Variants in SETBP1 observed in about 807,000 individuals in gnomAD.
SETBP1 encodes SET-binding protein.
Under a neutral mutation model 101.0 loss-of-function variants are expected in SETBP1, and 9 were observed. The observed-to-expected ratio is 0.09, with a 90% confidence interval of 0.05 to 0.16. The LOEUF is 0.16. Ranked by LOEUF, SETBP1 falls within the 10% of genes least tolerant of loss-of-function variation. The pLI, the probability that SETBP1 is intolerant of heterozygous loss-of-function variation, is 1.00. For synonymous variants in SETBP1, 818 were observed against 788.5 expected (o/e 1.04, Z -0.63); for missense variants, 1,858 against 2,033.8 (o/e 0.91, Z 1.66).
At chr18:44,946,109 G>A (rs1007848494) in intron 3 of SETBP1, among the ~76,000 whole-genome samples, 11 of 152,230 alleles carry the variant, frequency 7.2e-5, no homozygotes, top group Non-Finnish European at 1.3e-4. Context: ...CTCTTAGAAA[G>A]CACTCCTTCT....
chr18:44,880,726 A>C (rs192585615), intron 3 of SETBP1, among the ~76,000 whole-genome samples: 1 of 152,116 alleles, frequency 6.6e-6, no homozygotes, highest in African/African-American at 2.4e-5. Flanking sequence ...CAGAGGTGCC[A>C]CATGTTTTAA....
chr18:44,755,937 CG>C (rs2070481760), intron 2 of SETBP1, among the ~76,000 whole-genome samples: 1 of 152,004 alleles, frequency 6.6e-6, no homozygotes, highest in African/African-American at 2.4e-5. Context: ...CAAAATTGGC[CG>C]GGCGCGGTGG....
At chr18:44,789,452 C>A (rs1227471613) in intron 2 of SETBP1, among the ~76,000 whole-genome samples, 2 of 152,174 alleles carry the variant, frequency 1.3e-5, no homozygotes, top group Non-Finnish European at 2.9e-5. Flanking sequence ...AATCTGACTT[C>A]TTTCAGTTTA....
At chr18:44,769,343 A>G (rs2070826679) in intron 2 of SETBP1, among the ~76,000 whole-genome samples, 1 of 152,234 alleles carries the variant, frequency 6.6e-6, no homozygotes, top group Non-Finnish European at 1.5e-5. Flanking sequence ...GTTCTAACAA[A>G]TGCAAGTCCC....
chr18:45,033,326 A>T (rs1248727511), intron 4 of SETBP1, among the ~76,000 whole-genome samples: 1 of 152,206 alleles, frequency 6.6e-6, no homozygotes, highest in Non-Finnish European at 1.5e-5. Context: ...CACACATATG[A>T]TATGTGAGCT....
At chr18:44,811,396 A>G (rs1236101054) in intron 2 of SETBP1, among the ~76,000 whole-genome samples, 1 of 152,228 alleles carries the variant, frequency 6.6e-6, no homozygotes, top group Non-Finnish European at 1.5e-5. Flanking sequence ...TGTCTCTTCC[A>G]TACTGCTCCA....
chr18:45,030,689 G>T (rs570913935), intron 4 of SETBP1, among the ~76,000 whole-genome samples: 5 of 149,254 alleles, frequency 3.3e-5, no homozygotes, highest in African/African-American at 1.0e-4. Context: ...CAATTTCAGA[G>T]CCTGTTATTG....
chr18:45,040,094 G>A (rs1237652798), intron 5 of SETBP1, among the ~76,000 whole-genome samples: 1 of 152,074 alleles, frequency 6.6e-6, no homozygotes, highest in Non-Finnish European at 1.5e-5. Context: ...TTCTGGGACT[G>A]TCTCCTAACA....
chr18:44,733,741 C>G (rs962858621), intron 2 of SETBP1, among the ~76,000 whole-genome samples: 1 of 152,276 alleles, frequency 6.6e-6, no homozygotes, highest in Middle Eastern at 3.4e-3. Flanking sequence ...TTGAATTGCA[C>G]GGTGTCCCTG....
intron 3 of SETBP1, among the ~76,000 whole-genome samples, chr18:44,888,524 C>A (rs747000575): frequency 5.3e-5 from 8 of 152,080 alleles, no homozygotes; most frequent in African/African-American, 1.9e-4. Context: ...TGGTGCAAAG[C>A]AAATGTAGCA....
intron 4 of SETBP1, among the ~76,000 whole-genome samples, chr18:44,971,618 G>C (rs1033730837): frequency 3.9e-5 from 6 of 152,196 alleles, no homozygotes; most frequent in Admixed American, 6.5e-5. Context: ...GCATTTCTCT[G>C]ATGACCAGTG....
intron 1 of SETBP1, among the ~76,000 whole-genome samples, chr18:44,698,520 A>T (rs2144175685): frequency 6.6e-6 from 1 of 152,224 alleles, no homozygotes; most frequent in Non-Finnish European, 1.5e-5. Context: ...ATAATCCTGC[A>T]CACGCCTGCC....
chr18:44,999,319 T>C (rs2072566571), intron 4 of SETBP1, among the ~76,000 whole-genome samples: 1 of 152,242 alleles, frequency 6.6e-6, no homozygotes, highest in Non-Finnish European at 1.5e-5. Context: ...CAGGAAGTTA[T>C]GATTTTTTGA....
chr18:44,837,413 A>C (rs1432499345), intron 2 of SETBP1, among the ~76,000 whole-genome samples: 3 of 152,236 alleles, frequency 2.0e-5, no homozygotes, highest in Non-Finnish European at 4.4e-5. Context: ...AAATACCTTT[A>C]TAAATGTATG....
chr18:45,060,147 C>G (rs1393121974), intron 5 of SETBP1, among the ~76,000 whole-genome samples: 2 of 152,028 alleles, frequency 1.3e-5, no homozygotes, highest in African/African-American at 2.4e-5. Context: ...TTATGTAACA[C>G]AGTTGATTAA....
At chr18:44,760,102 G>T (rs925968261) in intron 2 of SETBP1, among the ~76,000 whole-genome samples, 2 of 152,152 alleles carry the variant, frequency 1.3e-5, no homozygotes, top group Non-Finnish European at 2.9e-5. Context: ...GGTAATACAT[G>T]TCCCTGACTG....
chr18:44,851,768 T>C (rs1387953773), intron 2 of SETBP1, among the ~76,000 whole-genome samples: 1 of 152,186 alleles, frequency 6.6e-6, no homozygotes, highest in Non-Finnish European at 1.5e-5. Context: ...TTGCTTTCAG[T>C]CTGCCATCTG....
intron 3 of SETBP1, among the ~76,000 whole-genome samples, chr18:44,896,389 G>GTC (rs1483516346): frequency 6.6e-6 from 1 of 152,106 alleles, no homozygotes; most frequent in Non-Finnish European, 1.5e-5. Flanking sequence ...TTCATCATTA[G>GTC]TCTCTTCCTG....
At chr18:44,902,479 C>T (rs994967138) in intron 3 of SETBP1, among the ~76,000 whole-genome samples, 1 of 103,196 alleles carries the variant, frequency 9.7e-6, no homozygotes, top group African/African-American at 3.7e-5. Context: ...TGGAGCCAGG[C>T]AGGGGTGGGT....
Sources: allele counts gnomAD v4.1 joint callset (sites outside exome capture counted in the v4.1 genomes callset), GRCh38; gene constraint gnomAD v4.1.1; transcripts MANE v1.5; gene names NCBI Gene and HGNC (gene_info 2026-07-23, HGNC 2026-07-21).